Variants in CDO1 observed in about 807,000 individuals in gnomAD.
The protein encoded by CDO1 is cysteine dioxygenase, type I.
CDO1 carries 19 observed loss-of-function variants against 24.5 expected under a neutral mutation model. That is an observed-to-expected ratio of 0.77 (90% CI 0.54 to 1.14). The LOEUF (loss-of-function observed/expected upper bound fraction) is 1.14. Among genes scored for constraint, CDO1 ranks in the 50% most tolerant of loss-of-function variants. The pLI is 0.00. For missense variants in CDO1, 244 were observed against 244.8 expected, an observed-to-expected ratio of 1.00 and a Z score of 0.02; for synonymous variants, 91 against 87.0, an observed-to-expected ratio of 1.05 and a Z score of -0.26.
chr5:115,810,188 C>T (rs575591497), intron 3 of CDO1, among the ~76,000 whole-genome samples: 2 of 152,276 alleles, frequency 1.3e-5, no homozygotes, highest in South Asian at 4.1e-4. Context: ...TAGCAACCCT[C>T]ACATTATTTG....
intron 1 of CDO1, among the ~76,000 whole-genome samples, chr5:115,815,458 A>C (rs1760389017): frequency 6.6e-6 from 1 of 152,180 alleles, no homozygotes; most frequent in African/African-American, 2.4e-5. Context: ...AAGATAAATC[A>C]GATCATTTGG....
At chr5:115,811,900 C>G (rs79002423) in intron 2 of CDO1, among the ~76,000 whole-genome samples, 3,169 of 152,256 alleles carry the variant, frequency 0.021, 112 homozygotes, top group African/African-American at 0.069. Context: ...AGTGCTCTAC[C>G]TGTGATTACC....
intron 3 of CDO1, among the ~76,000 whole-genome samples, chr5:115,807,986 AC>A (rs201584279): frequency 1.5e-5 from 2 of 133,214 alleles, no homozygotes; most frequent in African/African-American, 8.4e-5. Context: ...TTAAAAAAAA[AC>A]AAAAAAAACA....
intron 4 of CDO1, 76 bp from the exon 5 acceptor site, chr5:115,805,538 G>C: frequency 7.3e-7 from 1 of 1,376,088 alleles, no homozygotes. Context: ...AAATAGTTCT[G>C]CTTTTGTAGC....
At chr5:115,812,811 G>A (rs927656388) in intron 2 of CDO1, among the ~76,000 whole-genome samples, 1 of 152,072 alleles carries the variant, frequency 6.6e-6, no homozygotes, top group Non-Finnish European at 1.5e-5. Flanking sequence ...ACTTTGGGAT[G>A]CCGAGGTGAG....
At position 115,816,231 on chromosome 5, in the gene CDO1, T is replaced by C. The variant is rs745436519; in HGVS notation, c.167A>G (p.Tyr56Cys). 8.7e-6 allele frequency: 14 copies of C among 1,613,972 alleles called. No homozygotes were observed. The African/African-American group carries it at 1.9e-4, about 22-fold the overall frequency. The change falls in exon 1 of 5, where the codon TAC (tyrosine) becomes TGC (cysteine). Residue 56 changes from tyrosine to cysteine, a missense_variant. Coordinates refer to ENST00000250535, the MANE Select transcript of CDO1 (RefSeq NM_001801.3). ...EWAMYAKFDQ[Y>C]RYTRNLVDQG... Reference sequence around the variant, plus strand: ...ATTGAAGCTGCAGCGCGCTCACCTGTACTGGTCGAACTTGGCGTACATTGC... The same window carrying C: ...ATTGAAGCTGCAGCGCGCTCACCTGCACTGGTCGAACTTGGCGTACATTGC...
chr5:115,812,834 G>A (rs1410675178), intron 2 of CDO1, among the ~76,000 whole-genome samples: 2 of 152,076 alleles, frequency 1.3e-5, no homozygotes, highest in African/African-American at 4.8e-5. Flanking sequence ...GATCACCTGA[G>A]GTCAGGAGTT....
intron 3 of CDO1, among the ~76,000 whole-genome samples, chr5:115,809,357 C>G (rs747616145): frequency 2.0e-5 from 3 of 152,070 alleles, no homozygotes; most frequent in Admixed American, 6.6e-5. Context: ...CCCGGTCGAC[C>G]TTTTGCTCAT....
Position 115,804,765 on chromosome 5 carries a change from G to A in CDO1, c.*668C>T, listed in dbSNP as rs1054449288. On this transcript the variant is annotated 3_prime_UTR_variant, in exon 5 of 5. Coordinates refer to ENST00000250535, the MANE Select transcript of CDO1 (RefSeq NM_001801.3). Reference sequence around the variant, plus strand: ...CAAATCCACTTTATTTAAATTATTTGGTAATTTTAGCAGTACAAAATCTTT... The same window carrying A: ...CAAATCCACTTTATTTAAATTATTTAGTAATTTTAGCAGTACAAAATCTTT... 3 of 151,718 alleles carry A rather than the reference G, an allele frequency of 2.0e-5. No individual in the cohort carries two copies. The highest frequency in any genetic ancestry group is 7.3e-5 in the African/African-American group (3 of 41,280). The allele number at this position is 151,718 out of a possible 1,614,324, so 9.4% of individuals were successfully genotyped here.
chr5:115,805,411 A>AC lies in CDO1; in HGVS notation c.*21dup. The AC allele has an allele frequency of 6.2e-7, 1 of 1,611,280 alleles. No homozygotes were observed. The highest frequency in any genetic ancestry group is 1.1e-5 in the South Asian group (1 of 90,624). ...AACATACAGCGAACCTTAAAGTAAA[A>AC]CCTCAGAGGGTTTGGTGCCCCTTAG... On this transcript the variant is annotated 3_prime_UTR_variant, in exon 5 of 5. Transcript: ENST00000250535.
Position 115,805,427 on chromosome 5 carries a change from T to A in CDO1, c.*6A>T, listed in dbSNP as rs1394486696. 2.5e-6 allele frequency: 4 copies of A among 1,613,618 alleles called. No individual in the cohort carries two copies. Among genetic ancestry groups the A allele is most frequent in the Non-Finnish European group, 3.4e-6 (4 of 1,179,786 alleles). The stretch of plus-strand genomic sequence containing the variant: ...TAAAGTAAAACCTCAGAGGGTTTGG[T>A]GCCCCTTAGTTGTTCTCCAGCGAGC... On this transcript the variant is annotated 3_prime_UTR_variant, in exon 5 of 5. Coordinates refer to ENST00000250535, the MANE Select transcript of CDO1 (RefSeq NM_001801.3).
At chr5:115,806,249 G>T in intron 4 of CDO1, 100 bp downstream of exon 4, 1 of 658,184 alleles carries the variant, frequency 1.5e-6, no homozygotes, top group Non-Finnish European at 2.5e-6. Flanking sequence ...AGATATATTG[G>T]GCCTTATCCA....
chr5:115,805,513 A>T (rs1294851744), intron 4 of CDO1, 51 bp from the exon 5 acceptor site: 1 of 1,530,314 alleles, frequency 6.5e-7, no homozygotes, highest in Non-Finnish European at 9.0e-7. Flanking sequence ...TACAAAAGAC[A>T]TTTTAACTCC....
Position 115,816,542 on chromosome 5 carries a change from C to G in CDO1, c.-145G>C, listed in dbSNP as rs2112700749. 1.2e-6 allele frequency: 1 copy of G among 866,248 alleles called. No individual in the cohort carries two copies. Among genetic ancestry groups the G allele is most frequent in the South Asian group, 1.6e-5 (1 of 61,350 alleles). 53.7% of individuals were successfully genotyped at this position (866,248 alleles called of 1,614,324 possible). On this transcript the variant is annotated 5_prime_UTR_variant, in exon 1 of 5. Coordinates refer to ENST00000250535, the MANE Select transcript of CDO1 (RefSeq NM_001801.3). The stretch of plus-strand genomic sequence containing the variant: ...ACGCACAAACCCAGCATTAGAGTGC[C>G]GAAACGTAAGGATGTCGTCGCAGAG...
chr5:115,806,723 T>TA (rs565439265), intron 3 of CDO1, among the ~76,000 whole-genome samples: 3 of 151,798 alleles, frequency 2.0e-5, no homozygotes, highest in African/African-American at 7.3e-5. Context: ...CCAATGGCAG[T>TA]AAAAAAATAA....
At position 115,811,175 on chromosome 5, in the gene CDO1, C is replaced by T. The variant is rs766129764; in HGVS notation, c.389G>A (p.Cys130Tyr). ...KSERVLRENQ[C>Y]AYINDSIGLH... ...TAAGATGTTACCATTGATGTAGGCA[C>T]ACTGGTTTTCCCTCAAGACTCTTTC... The change falls in exon 3 of 5, where the codon TGT becomes TAT. Residue 130 changes from cysteine to tyrosine, a missense_variant. Physicochemically the swap from Cys to Tyr is radical, Grantham distance 194. Coordinates refer to ENST00000250535, the MANE Select transcript of CDO1 (RefSeq NM_001801.3). 2.5e-6 allele frequency: 4 copies of T among 1,613,574 alleles called. No homozygotes were observed. The highest frequency in any genetic ancestry group is 4.5e-5 in the East Asian group (2 of 44,864).
rs375350501 is a variant in CDO1, at chr5:115,816,409, C to A, written c.-12G>T. ...TCGGTCTGTTCCATCTCGTGGGGAG[C>A]TGGCTGCGCGCGCGTCTCACTGCTG... On this transcript the variant is annotated 5_prime_UTR_variant, in exon 1 of 5. Coordinates refer to ENST00000250535, the MANE Select transcript of CDO1 (RefSeq NM_001801.3). The A allele has an allele frequency of 6.2e-7, 1 of 1,610,762 alleles. No homozygotes were observed. The highest frequency in any genetic ancestry group is 1.3e-5 in the African/African-American group (1 of 74,900).
Position 115,810,365 on chromosome 5 carries a change from A to G in CDO1, c.403+796T>C, listed in dbSNP as rs150269366. Among the ~76,000 whole-genome samples the G allele has an allele frequency of 9.7e-4, 147 of 152,320 alleles. 2 individuals carry two copies. The East Asian group carries it at 0.023, about 24-fold the overall frequency. On this transcript the variant is annotated intron_variant, in intron 3 of 4. Coordinates refer to ENST00000250535, the MANE Select transcript of CDO1 (RefSeq NM_001801.3). ...AAAAAAACTTGCTTTGCCAAAAAAA[A>G]ATCCCCCAAAGCTCTATAATACTTT...
At chr5:115,807,918 CAA>C (rs1379098799) in intron 3 of CDO1, among the ~76,000 whole-genome samples, 2 of 151,130 alleles carry the variant, frequency 1.3e-5, no homozygotes, top group Non-Finnish European at 2.9e-5. Flanking sequence ...GAGAAGATCC[CAA>C]AAGTTTCTAG....
Sources: gnomAD v4.1 joint callset for allele counts (sites outside exome capture counted in the v4.1 genomes callset) on GRCh38, gnomAD v4.1.1 for gene constraint, MANE v1.5 for transcripts, NCBI Gene and HGNC (gene_info 2026-07-23, HGNC 2026-07-21) for gene names.